The following NPAS3 variants were observed in gnomAD, a reference collection of about 807,000 sequenced individuals.
The protein encoded by NPAS3 is neuronal PAS domain protein 3, also known as neuronal PAS domain-containing protein 3.
A neutral mutation model predicts 73.1 loss-of-function variants in NPAS3; 14 were observed. The observed-to-expected ratio is 0.19, with a 90% CI of 0.13 to 0.30. NPAS3 has a LOEUF of 0.30. NPAS3 is among the 10% of genes least tolerant of loss of function. NPAS3 has a pLI of 1.00. For synonymous variants in NPAS3, 620 were observed against 541.5 expected (o/e 1.14, Z -2.01); for missense variants, 1,096 against 1,250.0 (o/e 0.88, Z 1.86).
intron 6 of NPAS3, among the ~76,000 whole-genome samples, chr14:33,722,282 G>A (rs919757127): frequency 6.6e-6 from 1 of 152,102 alleles, no homozygotes; most frequent in Non-Finnish European, 1.5e-5. Flanking sequence ...TTTTGCCCAT[G>A]GTTTGAGAAA....
intron 3 of NPAS3, among the ~76,000 whole-genome samples, chr14:33,270,343 C>A (rs143360787): frequency 4.6e-5 from 7 of 152,190 alleles, no homozygotes; most frequent in Admixed American, 4.6e-4. Context: ...ACCCCAACAC[C>A]GTGTACCACA....
intron 2 of NPAS3, among the ~76,000 whole-genome samples, chr14:33,091,991 TATA>T (rs1287868996): frequency 6.6e-6 from 1 of 152,168 alleles, no homozygotes; most frequent in Non-Finnish European, 1.5e-5. Context: ...AAGAGCTATT[TATA>T]ACAAACCCAC....
chr14:33,616,228 G>A (rs530975637), intron 5 of NPAS3, among the ~76,000 whole-genome samples: 11 of 152,276 alleles, frequency 7.2e-5, no homozygotes, highest in East Asian at 1.9e-4. Flanking sequence ...AGAAAGAGTC[G>A]ATGCATTCTG....
At chr14:33,470,956 C>A (rs1429242921) in intron 4 of NPAS3, among the ~76,000 whole-genome samples, 1 of 147,338 alleles carries the variant, frequency 6.8e-6, no homozygotes, top group Admixed American at 6.8e-5. Flanking sequence ...AAAGAATGTT[C>A]TCTTTATGAA....
chr14:33,167,441 G>A (rs565016800), intron 2 of NPAS3, among the ~76,000 whole-genome samples: 6 of 151,850 alleles, frequency 4.0e-5, no homozygotes, highest in South Asian at 2.1e-4. Flanking sequence ...ACACACACAC[G>A]CACGTATATT....
intron 5 of NPAS3, among the ~76,000 whole-genome samples, chr14:33,621,056 C>T (rs1375535252): frequency 1.3e-5 from 2 of 151,976 alleles, no homozygotes; most frequent in African/African-American, 2.4e-5. Context: ...ATGACCATGG[C>T]CTATGTTAAA....
At chr14:33,796,952 C>T (rs1419039876) in intron 10 of NPAS3, among the ~76,000 whole-genome samples, 3 of 152,200 alleles carry the variant, frequency 2.0e-5, no homozygotes, top group Non-Finnish European at 2.9e-5. Context: ...CCAAGGTGCA[C>T]CTGTGCATCT....
intron 5 of NPAS3, among the ~76,000 whole-genome samples, chr14:33,661,904 C>T (rs1473561312): frequency 2.0e-5 from 3 of 152,216 alleles, no homozygotes; most frequent in Non-Finnish European, 2.9e-5. Flanking sequence ...CAACCTTTCT[C>T]AACCAATGCA....
At chr14:33,018,568 A>C (rs2039476480) in intron 1 of NPAS3, among the ~76,000 whole-genome samples, 1 of 152,216 alleles carries the variant, frequency 6.6e-6, no homozygotes, top group Non-Finnish European at 1.5e-5. Context: ...TTTTCTAATG[A>C]TGAGTGTTAC....
intron 7 of NPAS3, among the ~76,000 whole-genome samples, chr14:33,735,655 G>A (rs913212220): frequency 6.6e-6 from 1 of 151,908 alleles, no homozygotes; most frequent in African/African-American, 2.4e-5. Context: ...TCCTCAAGAC[G>A]AGTGCTCTAG....
intron 3 of NPAS3, among the ~76,000 whole-genome samples, chr14:33,259,043 G>GACCTCGTGATCCGCCCTCCTC (rs1488397373): frequency 6.6e-6 from 1 of 152,152 alleles, no homozygotes; most frequent in Non-Finnish European, 1.5e-5. Context: ...TCGATCTCCT[G>GACCTCGTGATCCGCCCTCCTC]ACCTCGTGAT....
At chr14:33,482,065 T>C (rs1338033386) in intron 4 of NPAS3, among the ~76,000 whole-genome samples, 1 of 151,772 alleles carries the variant, frequency 6.6e-6, no homozygotes, top group African/African-American at 2.4e-5. Flanking sequence ...TTTTTTTTTT[T>C]TTTTTTAAGA....
chr14:33,284,856 C>A (rs1372783866), intron 3 of NPAS3, among the ~76,000 whole-genome samples: 1 of 151,850 alleles, frequency 6.6e-6, no homozygotes, highest in Non-Finnish European at 1.5e-5. Flanking sequence ...TATAAGCTCC[C>A]TCATTTTGCG....
rs146089552 is a variant in NPAS3 at position 33,259,008 on chromosome 14, T to A, written c.385+43582T>A. On this transcript the variant is annotated intron_variant, in intron 3 of 11. Coordinates refer to ENST00000356141, the Ensembl canonical transcript of NPAS3. Reference sequence around the variant, plus strand: ...TTTTGTATTTTTAGTAGAGACGAGGTTTCACCATGTTAGCCATGATGGTCT... The same window carrying A: ...TTTTGTATTTTTAGTAGAGACGAGGATTCACCATGTTAGCCATGATGGTCT... Among the ~76,000 whole-genome samples the A allele has an allele frequency of 3.5e-4, 53 of 152,228 alleles. No individual in the cohort carries two copies. In the East Asian group the frequency reaches 0.01, roughly 30 times the overall value.
chr14:33,678,833 C>CAAAT (rs2059848241), intron 6 of NPAS3, among the ~76,000 whole-genome samples: 1 of 151,864 alleles, frequency 6.6e-6, no homozygotes, highest in Non-Finnish European at 1.5e-5. Flanking sequence ...ACAGCAAGCC[C>CAAAT]AAATAAATAT....
intron 2 of NPAS3, among the ~76,000 whole-genome samples, chr14:33,204,598 A>G (rs2046752980): frequency 6.6e-6 from 1 of 152,116 alleles, no homozygotes; most frequent in South Asian, 2.1e-4. Flanking sequence ...GATGTGACAC[A>G]CGGAAAAAGT....
upstream of NPAS3, among the ~76,000 whole-genome samples, chr14:32,937,775 TTTCA>T (rs1259828008): frequency 2.0e-5 from 3 of 152,190 alleles, no homozygotes; most frequent in African/African-American, 7.2e-5. Flanking sequence ...CATCAGGCGC[TTTCA>T]TTCATTCAAA....
At chr14:33,024,170 G>GTGTA (rs546856024) in intron 1 of NPAS3, among the ~76,000 whole-genome samples, 7,875 of 139,458 alleles carry the variant, frequency 0.056, 486 homozygotes, top group African/African-American at 0.17. Flanking sequence ...GTGTGTGTGT[G>GTGTA]TATGTATATT....
At position 33,008,245 on chromosome 14, in the gene NPAS3, A is replaced by G. The variant is rs373241731; in HGVS notation, c.51-47660A>G. The stretch of plus-strand genomic sequence containing the variant: ...AAATCTGCACGGTTAAAAAAAATGA[A>G]CTACATGTATTATTTTACTGACAAG... On this transcript the variant is annotated intron_variant, in intron 1 of 11. Transcript: ENST00000356141. 1.1e-4 allele frequency among the ~76,000 whole-genome samples: 17 copies of G among 152,328 alleles called. No individual in the cohort carries two copies. In the East Asian group the frequency reaches 2.5e-3, roughly 22 times the overall value.
Sources: gnomAD v4.1 joint callset for allele counts (sites outside exome capture counted in the v4.1 genomes callset) on GRCh38, gnomAD v4.1.1 for gene constraint, MANE v1.5 for transcripts, NCBI Gene and HGNC (gene_info 2026-07-23, HGNC 2026-07-21) for gene names.